Variants in NRXN3 observed in about 807,000 individuals in gnomAD.
NRXN3 encodes neurexin 3.
In NRXN3, 32 loss-of-function variants were observed where a neutral mutation model predicts 137.6. The observed-to-expected ratio is 0.23, with a 90% CI of 0.18 to 0.31. The LOEUF (loss-of-function observed/expected upper bound fraction) is 0.31. NRXN3 is among the 10% of genes least tolerant of loss of function. The pLI is 1.00. For missense variants in NRXN3, 1,574 were observed against 2,062.5 expected (o/e 0.76, Z 4.59); for synonymous variants, 798 against 784.5 (o/e 1.02, Z -0.29).
At chr14:78,605,862 G>A (rs1321180516) in intron 4 of NRXN3, among the ~76,000 whole-genome samples, 4 of 152,158 alleles carry the variant, frequency 2.6e-5, no homozygotes, top group African/African-American at 9.7e-5. Context: ...GAGGATTGCT[G>A]CAGTCAGATT....
intron 10 of NRXN3, among the ~76,000 whole-genome samples, chr14:78,848,175 A>G (rs2099032882): frequency 6.6e-6 from 1 of 152,018 alleles, no homozygotes. Context: ...TCCTCCCTTC[A>G]CCCACCAGCG....
At chr14:78,456,966 C>T (rs1173201492) in intron 4 of NRXN3, among the ~76,000 whole-genome samples, 1 of 148,756 alleles carries the variant, frequency 6.7e-6, no homozygotes, top group Non-Finnish European at 1.5e-5. Context: ...TTGCTTCCTT[C>T]CTTCTTCCTT....
At position 78,527,451 on chromosome 14, in the gene NRXN3, A is replaced by G. The variant is rs146460504; in HGVS notation, c.758-117669A>G. 8.4e-3 allele frequency among the ~76,000 whole-genome samples: 1,285 copies of G among 152,288 alleles called. 15 individuals are homozygous for G. The highest frequency in any genetic ancestry group is 0.029 in the African/African-American group (1,206 of 41,562). ...GTACCAAGGAGGATGGTGTTAAACC[A>G]TTCATGAGAACTCCACTCCCATGAT... On this transcript the variant is annotated intron_variant, in intron 4 of 20. Coordinates refer to ENST00000335750, the MANE Select transcript of NRXN3 (RefSeq NM_001330195.2).
intron 16 of NRXN3, among the ~76,000 whole-genome samples, chr14:79,568,503 C>T (rs2097570000): frequency 6.6e-6 from 1 of 152,024 alleles, no homozygotes; most frequent in South Asian, 2.1e-4. Context: ...TACAGAAAAC[C>T]AACAAACTCC....
At position 78,361,739 on chromosome 14, in the gene NRXN3, T is replaced by C. The variant is rs72697854; in HGVS notation, c.757+63879T>C. ...CTTCATTAAGTGGCATAGTGTATTA[T>C]CTATGGTGTATTTTGAAAGTATCCT... On this transcript the variant is annotated intron_variant, in intron 4 of 20. Coordinates refer to ENST00000335750, the MANE Select transcript of NRXN3 (RefSeq NM_001330195.2). 4.1e-3 allele frequency among the ~76,000 whole-genome samples: 618 copies of C among 152,340 alleles called. 1 individual carries two copies. Among genetic ancestry groups the C allele is most frequent in the Non-Finnish European group, 6.7e-3 (459 of 68,030 alleles).
intron 16 of NRXN3, among the ~76,000 whole-genome samples, chr14:79,658,924 G>A (rs2098519555): frequency 6.6e-6 from 1 of 152,082 alleles, no homozygotes; most frequent in East Asian, 1.9e-4. Flanking sequence ...CTTCCCCAGG[G>A]GCAGTCTGGA....
intron 6 of NRXN3, among the ~76,000 whole-genome samples, chr14:78,659,918 C>A (rs58275081): frequency 6.6e-6 from 1 of 152,174 alleles, no homozygotes; most frequent in East Asian, 1.9e-4. Flanking sequence ...ATTCCCCTGG[C>A]TGTGGTTGTT....
chr14:78,821,863 A>G (rs1338042881), intron 10 of NRXN3, among the ~76,000 whole-genome samples: 1 of 152,196 alleles, frequency 6.6e-6, no homozygotes, highest in African/African-American at 2.4e-5. Flanking sequence ...ATTGACAAGC[A>G]AACTCCCTTT....
rs1040745924 is a variant in NRXN3 at position 78,334,234 on chromosome 14, A to C, written c.757+36374A>C. On this transcript the variant is annotated intron_variant, in intron 4 of 20. Transcript: ENST00000335750. ...AGGAAGCGGTTGGGTTTGAGCTTAC[A>C]GTTCAGGGGAGAGGGTCAGGCTGGA... Among the ~76,000 whole-genome samples the C allele has an allele frequency of 1.3e-5, 2 of 152,130 alleles. 1 individual carries two copies. The highest frequency in any genetic ancestry group is 4.1e-4 in the South Asian group (2 of 4,826).
chr14:78,300,754 C>T, intron 4 of NRXN3: 1 of 1,129,140 alleles, frequency 8.9e-7, no homozygotes, highest in Admixed American at 2.0e-5. Context: ...ATTCATGCAT[C>T]CAAGAGGATT....
intron 19 of NRXN3, among the ~76,000 whole-genome samples, chr14:79,726,326 A>G (rs2154068210): frequency 6.6e-6 from 1 of 152,304 alleles, no homozygotes; most frequent in South Asian, 2.1e-4. Context: ...TTTCTCTGTC[A>G]TAAAATTGAC....
At chr14:79,659,989 T>A (rs973368251) in intron 16 of NRXN3, among the ~76,000 whole-genome samples, 1 of 152,164 alleles carries the variant, frequency 6.6e-6, no homozygotes, top group African/African-American at 2.4e-5. Context: ...TATTATATCA[T>A]CCTTACAACA....
At chr14:78,202,325 C>T (rs1241628841) in intron 1 of NRXN3, among the ~76,000 whole-genome samples, 1 of 152,224 alleles carries the variant, frequency 6.6e-6, no homozygotes, top group Non-Finnish European at 1.5e-5. Flanking sequence ...TTTAGATCAG[C>T]CTCTGCAAAA....
chr14:78,225,975 G>T (rs879778405), intron 1 of NRXN3, among the ~76,000 whole-genome samples: 2,027 of 75,234 alleles, frequency 0.027, 17 homozygotes, highest in East Asian at 0.1. Context: ...GTGTGTGTTG[G>T]TGTGTGTGTG....
chr14:78,619,488 C>G lies in NRXN3; in HGVS notation c.758-25632C>G, dbSNP rs556112064. ...ATATGGTTAAGCTTTGTGTCCCACC[C>G]GAATCTCATCTTGAATTGAGATTCC... is the stretch of plus-strand genomic sequence containing the variant. On this transcript the variant is annotated intron_variant, in intron 4 of 20. Coordinates refer to ENST00000335750, the MANE Select transcript of NRXN3 (RefSeq NM_001330195.2). 5.3e-5 allele frequency among the ~76,000 whole-genome samples: 8 copies of G among 152,166 alleles called. No individual in the cohort carries two copies. The South Asian group carries it at 1.7e-3, about 32-fold the overall frequency.
chr14:78,736,612 T>G (rs375272963), intron 8 of NRXN3, among the ~76,000 whole-genome samples: 2 of 152,364 alleles, frequency 1.3e-5, no homozygotes, highest in African/African-American at 4.8e-5. Context: ...CCAACTCTAA[T>G]AGTAATAAGG....
chr14:78,521,903 A>C (rs1856640933), intron 4 of NRXN3, among the ~76,000 whole-genome samples: 1 of 152,164 alleles, frequency 6.6e-6, no homozygotes, highest in Admixed American at 6.5e-5. Context: ...TTGTTTGAAA[A>C]ATTCTTATCA....
chr14:78,192,101 T>A (rs71428794), intron 1 of NRXN3, among the ~76,000 whole-genome samples: 1,110 of 105,710 alleles, frequency 0.011, 13 homozygotes, highest in African/African-American at 0.036. Flanking sequence ...TGTGTGTGTG[T>A]GTGTGTGAGA....
intron 8 of NRXN3, among the ~76,000 whole-genome samples, chr14:78,789,267 A>T (rs1402373692): frequency 6.6e-6 from 1 of 152,166 alleles, no homozygotes; most frequent in East Asian, 1.9e-4. Flanking sequence ...TGCTTTTTAG[A>T]GTCATCTATG....
Sources: allele counts gnomAD v4.1 joint callset (sites outside exome capture counted in the v4.1 genomes callset), GRCh38; gene constraint gnomAD v4.1.1; transcripts MANE v1.5; gene names NCBI Gene and HGNC (gene_info 2026-07-23, HGNC 2026-07-21).